SMAP1: variants seen among roughly 807,000 people sequenced by gnomAD.
SMAP1 encodes stromal membrane-associated protein 1.
Under a neutral mutation model 58.5 loss-of-function variants are expected in SMAP1, and 24 were observed. The observed-to-expected ratio is 0.41, with a 90% CI of 0.30 to 0.58. SMAP1 has a LOEUF of 0.58. Among genes scored for constraint, SMAP1 ranks in the 20% least tolerant of loss-of-function variants. SMAP1 has a pLI of 0.29. For missense variants in SMAP1, 563 were observed against 566.3 expected (o/e 0.99, Z 0.06); for synonymous variants, 216 against 196.6 (o/e 1.10, Z -0.82).
intron 3 of SMAP1, among the ~76,000 whole-genome samples, chr6:70,768,175 C>T (rs1278817240): frequency 6.6e-6 from 1 of 152,164 alleles, no homozygotes; most frequent in Non-Finnish European, 1.5e-5. Context: ...AGGATTTTTG[C>T]ATCAATGTTC....
At chr6:70,767,252 A>G (rs934340246) in intron 3 of SMAP1, among the ~76,000 whole-genome samples, 1 of 151,206 alleles carries the variant, frequency 6.6e-6, no homozygotes, top group Admixed American at 6.6e-5. Context: ...TTCCATATGA[A>G]CTTTAAAGTA....
intron 3 of SMAP1, among the ~76,000 whole-genome samples, chr6:70,756,851 G>A (rs1233967771): frequency 6.6e-6 from 1 of 151,912 alleles, no homozygotes; most frequent in African/African-American, 2.4e-5. Flanking sequence ...ACAAACCACT[G>A]CTCAAGGAAA....
intron 6 of SMAP1, among the ~76,000 whole-genome samples, chr6:70,814,351 T>C (rs1045149906): frequency 2.0e-5 from 3 of 152,172 alleles, no homozygotes; most frequent in Non-Finnish European, 4.4e-5. Flanking sequence ...ATCAGTCTTA[T>C]CACTTCATAG....
intron 1 of SMAP1, among the ~76,000 whole-genome samples, chr6:70,695,965 T>G (rs1427149811): frequency 6.6e-6 from 1 of 152,200 alleles, no homozygotes; most frequent in Non-Finnish European, 1.5e-5. Context: ...TTGTTATTGG[T>G]CTATTTAGAT....
chr6:70,740,285 G>A (rs932460670), intron 2 of SMAP1, among the ~76,000 whole-genome samples: 3 of 152,084 alleles, frequency 2.0e-5, no homozygotes, highest in Non-Finnish European at 4.4e-5. Flanking sequence ...CATGGCTGGA[G>A]GCGGTGGCTC....
rs1489368084 is a variant in SMAP1, at chr6:70,861,739, C to T, written c.*1405C>T. ...ATTAACCTTCTCTGTCCGAGTGTGC[C>T]ACACGAGAACCTGAAGGGGAAGGAA... On this transcript the variant is annotated 3_prime_UTR_variant, in exon 11 of 11. Coordinates refer to ENST00000370455, the MANE Select transcript of SMAP1 (RefSeq NM_001044305.3). The T allele has an allele frequency of 1.2e-6, 2 of 1,613,960 alleles. No homozygotes were observed. Among genetic ancestry groups the T allele is most frequent in the Non-Finnish European group, 1.7e-6 (2 of 1,179,992 alleles).
intron 1 of SMAP1, among the ~76,000 whole-genome samples, chr6:70,686,524 C>T (rs770955488): frequency 6.6e-6 from 1 of 152,144 alleles, no homozygotes; most frequent in South Asian, 2.1e-4. Context: ...TAAACTGATA[C>T]AGTTGACAAA....
At chr6:70,732,321 A>G (rs1765463093) in intron 1 of SMAP1, 57 bp from the exon 2 acceptor site, 1 of 1,548,074 alleles carries the variant, frequency 6.5e-7, no homozygotes, top group South Asian at 1.2e-5. Context: ...ATATGCTGTT[A>G]TGTTTATTTT....
intron 2 of SMAP1, among the ~76,000 whole-genome samples, chr6:70,746,225 G>A (rs1384242045): frequency 6.6e-6 from 1 of 152,194 alleles, no homozygotes; most frequent in African/African-American, 2.4e-5. Flanking sequence ...TAGGAGTGGT[G>A]AGAGAGGGCA....
At chr6:70,859,296 C>G (rs1771588084) in intron 10 of SMAP1, 3 of 1,490,846 alleles carry the variant, frequency 2.0e-6, no homozygotes, top group East Asian at 2.5e-5. Context: ...CTAGATGAAC[C>G]AGGAAGGAGT....
At chr6:70,682,371 TAG>T (rs950541854) in intron 1 of SMAP1, among the ~76,000 whole-genome samples, 2 of 151,692 alleles carry the variant, frequency 1.3e-5, no homozygotes, top group African/African-American at 4.8e-5. Flanking sequence ...GTATTTTTAA[TAG>T]AGATGGGGTT....
intron 6 of SMAP1, among the ~76,000 whole-genome samples, chr6:70,817,890 TCA>T (rs1769708746): frequency 6.6e-6 from 1 of 152,076 alleles, no homozygotes; most frequent in Admixed American, 6.6e-5. Flanking sequence ...CAAAAGCAAA[TCA>T]AAAGCAGATT....
chr6:70,701,693 A>G (rs1767635488), intron 1 of SMAP1, among the ~76,000 whole-genome samples: 1 of 152,138 alleles, frequency 6.6e-6, no homozygotes, highest in South Asian at 2.1e-4. Context: ...CCCTTCCCCA[A>G]GCACACATTC....
chr6:70,712,379 T>C (rs921454862), intron 1 of SMAP1, among the ~76,000 whole-genome samples: 2 of 152,256 alleles, frequency 1.3e-5, no homozygotes, highest in African/African-American at 2.4e-5. Flanking sequence ...ATCAGAGATA[T>C]TGGCTTACAG....
intron 6 of SMAP1, among the ~76,000 whole-genome samples, chr6:70,811,060 T>C (rs1484983212): frequency 1.3e-5 from 2 of 152,200 alleles, no homozygotes; most frequent in African/African-American, 4.8e-5. Flanking sequence ...CAAAGGATAA[T>C]AGGCTTTTAA....
chr6:70,776,270 C>T lies in SMAP1; in HGVS notation c.414+2845C>T, dbSNP rs567407611. On this transcript the variant is annotated intron_variant, in intron 4 of 10. Transcript: ENST00000370455. The stretch of plus-strand genomic sequence containing the variant: ...CAATCTTGGCTCACTGCAACCTCTG[C>T]CTTGCGGGTTCAAGCAATTCTTCTG... 2.0e-5 allele frequency among the ~76,000 whole-genome samples: 3 copies of T among 152,278 alleles called. No homozygotes were observed. The South Asian group carries it at 6.2e-4, about 32-fold the overall frequency.
chr6:70,736,913 A>G (rs1348918721), intron 2 of SMAP1, among the ~76,000 whole-genome samples: 1 of 152,208 alleles, frequency 6.6e-6, no homozygotes, highest in Non-Finnish European at 1.5e-5. Flanking sequence ...CTTCCATCCT[A>G]AGAAATTTGC....
intron 1 of SMAP1, among the ~76,000 whole-genome samples, chr6:70,699,884 G>A (rs1423067459): frequency 6.6e-6 from 1 of 151,980 alleles, no homozygotes; most frequent in African/African-American, 2.4e-5. Flanking sequence ...CCTGCTTGGT[G>A]CTCCACACCA....
intron 3 of SMAP1, among the ~76,000 whole-genome samples, chr6:70,765,747 A>T (rs1014754937): frequency 2.6e-5 from 4 of 151,110 alleles, no homozygotes; most frequent in Non-Finnish European, 4.4e-5. Flanking sequence ...ATTTATTTTT[A>T]TTTTATTATT....
Sources: allele counts gnomAD v4.1 joint callset (sites outside exome capture counted in the v4.1 genomes callset), GRCh38; gene constraint gnomAD v4.1.1; transcripts MANE v1.5; gene names NCBI Gene and HGNC (gene_info 2026-07-23, HGNC 2026-07-21).